Variants in ARNT2 observed in about 807,000 individuals in gnomAD.
ARNT2 encodes ARNT protein 2.
A neutral mutation model predicts 91.7 loss-of-function variants in ARNT2; 36 were observed. That is an observed-to-expected ratio of 0.39 (90% CI 0.30 to 0.52). ARNT2 has a LOEUF of 0.52. Among genes scored for constraint, ARNT2 ranks in the 20% least tolerant of loss-of-function variants. The pLI is 0.72. For synonymous variants in ARNT2, 365 were observed against 347.1 expected (o/e 1.05, Z -0.57); for missense variants, 775 against 939.3 (o/e 0.83, Z 2.29).
At chr15:80,567,240 A>G (rs56130816) in intron 12 of ARNT2, among the ~76,000 whole-genome samples, 11,768 of 152,188 alleles carry the variant, frequency 0.077, 1,322 homozygotes, top group African/African-American at 0.25. Context: ...AGCCAGGTGC[A>G]GGGCGGTGAG....
chr15:80,451,566 A>G (rs1265232869), intron 2 of ARNT2, among the ~76,000 whole-genome samples: 1 of 152,208 alleles, frequency 6.6e-6, no homozygotes, highest in Non-Finnish European at 1.5e-5. Context: ...GAGCAGATGG[A>G]ACCAAAACTG....
intron 3 of ARNT2, among the ~76,000 whole-genome samples, chr15:80,464,319 T>TGG (rs1018912689): frequency 1.0e-4 from 13 of 126,488 alleles, no homozygotes; most frequent in Admixed American, 9.2e-4. Context: ...GATTGGGGGC[T>TGG]GGGGGTGGGG....
At chr15:80,419,208 C>T (rs113197500) in intron 1 of ARNT2, among the ~76,000 whole-genome samples, 109 of 152,188 alleles carry the variant, frequency 7.2e-4, no homozygotes, top group Non-Finnish European at 1.4e-3. Context: ...TGGAGTCAGT[C>T]GTTCAGGGGT....
intron 10 of ARNT2, among the ~76,000 whole-genome samples, chr15:80,553,852 T>C (rs1486681264): frequency 6.6e-6 from 1 of 152,232 alleles, no homozygotes; most frequent in Non-Finnish European, 1.5e-5. Context: ...CTATTAGGAC[T>C]CTGCATATAA....
chr15:80,561,001 C>G (rs1184886287), intron 11 of ARNT2, among the ~76,000 whole-genome samples: 2 of 152,120 alleles, frequency 1.3e-5, no homozygotes, highest in Non-Finnish European at 2.9e-5. Context: ...ATGGCCAGCC[C>G]CAGCCGTGGG....
intron 5 of ARNT2, among the ~76,000 whole-genome samples, chr15:80,481,023 T>C (rs1408031124): frequency 6.6e-6 from 1 of 152,210 alleles, no homozygotes; most frequent in Non-Finnish European, 1.5e-5. Flanking sequence ...TTGCCAACTA[T>C]TCCAGCCGGG....
intron 12 of ARNT2, among the ~76,000 whole-genome samples, chr15:80,573,465 A>G (rs937922374): frequency 2.6e-5 from 4 of 152,176 alleles, no homozygotes; most frequent in Non-Finnish European, 5.9e-5. Flanking sequence ...TCTTAATGAT[A>G]TTTACAATTG....
intron 1 of ARNT2, among the ~76,000 whole-genome samples, chr15:80,439,561 A>C (rs897675828): frequency 6.6e-6 from 1 of 152,222 alleles, no homozygotes; most frequent in Non-Finnish European, 1.5e-5. Flanking sequence ...TATCTTTGAA[A>C]TCATGATATT....
rs182117014 is a variant in ARNT2, at chr15:80,568,937, C to T, written c.1317-5211C>T. Among the ~76,000 whole-genome samples, 178 of 152,204 alleles carry T rather than the reference C, an allele frequency of 1.2e-3. 1 individual carries two copies. Among genetic ancestry groups the T allele is most frequent in the African/African-American group, 3.8e-3 (157 of 41,466 alleles). The stretch of plus-strand genomic sequence containing the variant: ...AAGTGAGCTCTAACACACACACACG[C>T]GCACACACACGCGCGTGCACACACA... On this transcript the variant is annotated intron_variant, in intron 12 of 18. Coordinates refer to ENST00000303329, the MANE Select transcript of ARNT2 (RefSeq NM_014862.4).
intron 8 of ARNT2, among the ~76,000 whole-genome samples, chr15:80,520,701 A>G (rs1215650319): frequency 6.6e-6 from 1 of 152,230 alleles, no homozygotes; most frequent in Non-Finnish European, 1.5e-5. Context: ...CAAATTGGAT[A>G]TGTTAATTAG....
chr15:80,594,008 C>A lies in ARNT2; in HGVS notation c.*310C>A, dbSNP rs557464774. The A allele has an allele frequency of 1.8e-4, 51 of 279,892 alleles. No homozygotes were observed. Among genetic ancestry groups the A allele is most frequent in the Non-Finnish European group, 3.1e-4 (46 of 149,480 alleles). The allele number at this position is 279,892 out of a possible 1,614,324, so 17.3% of individuals were successfully genotyped here. ...TGGTTGTGAATAATCTCTTGATAGA[C>A]AATTTATACCCATGAAAGTTCAGCC... On this transcript the variant is annotated 3_prime_UTR_variant, in exon 19 of 19. Coordinates refer to ENST00000303329, the MANE Select transcript of ARNT2 (RefSeq NM_014862.4).
At chr15:80,512,322 C>T (rs1420112680) in intron 6 of ARNT2, among the ~76,000 whole-genome samples, 1 of 152,200 alleles carries the variant, frequency 6.6e-6, no homozygotes, top group Non-Finnish European at 1.5e-5. Context: ...ATTTGAGCCT[C>T]GCTGTTCTTT....
chr15:80,476,180 G>T (rs1161267409), intron 5 of ARNT2, among the ~76,000 whole-genome samples: 1 of 152,194 alleles, frequency 6.6e-6, no homozygotes, highest in Admixed American at 6.5e-5. Context: ...GTGGTCATTT[G>T]TATGTTATTG....
intron 11 of ARNT2, among the ~76,000 whole-genome samples, chr15:80,558,055 C>A (rs1022409036): frequency 6.6e-6 from 1 of 152,142 alleles, no homozygotes; most frequent in African/African-American, 2.4e-5. Flanking sequence ...ATGCTTTTCC[C>A]AACCTCAGGG....
At chr15:80,447,944 G>A (rs1896329658) in intron 1 of ARNT2, among the ~76,000 whole-genome samples, 1 of 152,180 alleles carries the variant, frequency 6.6e-6, no homozygotes, top group Non-Finnish European at 1.5e-5. Context: ...AGACATAGGA[G>A]CAGATTCCTT....
intron 9 of ARNT2, 125 bp downstream of exon 9, chr15:80,551,400 C>A: frequency 3.3e-6 from 3 of 906,580 alleles, no homozygotes; most frequent in Non-Finnish European, 5.1e-6. Context: ...GGTTTCGTGT[C>A]TCACTCTGTG....
At chr15:80,518,981 G>A (rs1310427251) in intron 8 of ARNT2, among the ~76,000 whole-genome samples, 1 of 151,972 alleles carries the variant, frequency 6.6e-6, no homozygotes, top group Non-Finnish European at 1.5e-5. Context: ...GTTCCTGGAG[G>A]GAAAACCCAT....
intron 5 of ARNT2, among the ~76,000 whole-genome samples, chr15:80,479,499 T>C (rs1272784636): frequency 1.3e-5 from 2 of 151,916 alleles, no homozygotes; most frequent in African/African-American, 2.4e-5. Flanking sequence ...GGAAAGGGAG[T>C]TGGGAGCTCC....
intron 3 of ARNT2, among the ~76,000 whole-genome samples, chr15:80,462,208 T>C (rs1368470973): frequency 8.5e-6 from 1 of 117,774 alleles, no homozygotes; most frequent in Non-Finnish European, 1.9e-5. Flanking sequence ...CTTAGATTGA[T>C]ACATTTTCTA....
Sources: allele counts gnomAD v4.1 joint callset (sites outside exome capture counted in the v4.1 genomes callset), GRCh38; gene constraint gnomAD v4.1.1; transcripts MANE v1.5; gene names NCBI Gene and HGNC (gene_info 2026-07-23, HGNC 2026-07-21).